Variants in AP2S1 observed in about 807,000 individuals in gnomAD.
AP2S1 encodes AP-2 complex subunit sigma.
AP2S1 carries 6 observed loss-of-function variants against 21.0 expected under a neutral mutation model. The ratio of observed to expected loss-of-function variants is 0.29; its 90% CI spans 0.16 to 0.56. The LOEUF (loss-of-function observed/expected upper bound fraction) is 0.56. Ranked by LOEUF, AP2S1 falls within the 20% of genes least tolerant of loss-of-function variation. The pLI is 0.92. For missense variants in AP2S1, 60 were observed against 186.2 expected (o/e 0.32, Z 3.95); for synonymous variants, 63 against 74.6 (o/e 0.84, Z 0.80).
Position 46,838,254 on chromosome 19 carries a change from A to C in AP2S1, c.*193T>G, listed in dbSNP as rs763068463. 5 of 603,386 alleles carry C rather than the reference A, an allele frequency of 8.3e-6. No homozygotes were observed. The highest frequency in any genetic ancestry group is 2.9e-5 in the Admixed American group (1 of 34,530). 37.4% of individuals were successfully genotyped at this position (603,386 alleles called of 1,614,324 possible). On this transcript the variant is annotated 3_prime_UTR_variant, in exon 5 of 5. Coordinates refer to ENST00000263270, the MANE Select transcript of AP2S1 (RefSeq NM_004069.6). This position sits in a 1 kb window ranked among gnomAD's most constrained non-coding sequence, Gnocchi z 4.1. ...AACGGCACGGTTACTCGGGACACAC[A>C]CGGTGGCCTCTGCCCACAGCCAGGG...
intron 2 of AP2S1, among the ~76,000 whole-genome samples, chr19:46,840,825 C>T (rs1250829127): frequency 6.8e-6 from 1 of 147,418 alleles, no homozygotes; most frequent in East Asian, 2.1e-4. Context: ...TCAAGCGATT[C>T]TCCTGCCTCA....
intron 1 of AP2S1, among the ~76,000 whole-genome samples, chr19:46,847,303 G>A (rs2055653831): frequency 6.7e-6 from 1 of 149,196 alleles, no homozygotes; most frequent in Non-Finnish European, 1.5e-5. Context: ...GCGCGATCCC[G>A]CCTCACTGCA....
chr19:46,842,882 C>G (rs569307485), intron 2 of AP2S1, among the ~76,000 whole-genome samples: 2 of 152,150 alleles, frequency 1.3e-5, no homozygotes, highest in Non-Finnish European at 2.9e-5. Flanking sequence ...GTGCTCTCCT[C>G]GGTCTATCCT....
chr19:46,842,772 G>GGAGA (rs1311025495), intron 2 of AP2S1, among the ~76,000 whole-genome samples: 1 of 152,024 alleles, frequency 6.6e-6, no homozygotes, highest in African/African-American at 2.4e-5. Flanking sequence ...ACCTCCTCCT[G>GGAGA]GAGAGGTAAG....
At chr19:46,850,687 C>G in intron 1 of AP2S1, 77 bp downstream of exon 1, 1 of 1,313,380 alleles carries the variant, frequency 7.6e-7, no homozygotes. Context: ...AGGGACTTGT[C>G]AGCGCCCGAT....
intron 2 of AP2S1, among the ~76,000 whole-genome samples, chr19:46,843,068 C>G (rs2055556029): frequency 6.6e-6 from 1 of 152,198 alleles, no homozygotes; most frequent in South Asian, 2.1e-4. Flanking sequence ...TGATCTTCAC[C>G]TCCGCCTGCC....
intron 2 of AP2S1, among the ~76,000 whole-genome samples, chr19:46,844,238 C>A (rs1290092222): frequency 1.3e-5 from 2 of 152,106 alleles, no homozygotes; most frequent in African/African-American, 4.8e-5. Context: ...CCATCTGACT[C>A]ATAGTAAGAG....
intron 2 of AP2S1, among the ~76,000 whole-genome samples, chr19:46,843,069 T>A (rs1599766687): frequency 6.6e-6 from 1 of 152,276 alleles, no homozygotes; most frequent in East Asian, 1.9e-4. Flanking sequence ...GATCTTCACC[T>A]CCGCCTGCCC....
intron 1 of AP2S1, among the ~76,000 whole-genome samples, chr19:46,849,715 C>T (rs933511371): frequency 3.3e-5 from 5 of 152,076 alleles, no homozygotes; most frequent in Non-Finnish European, 5.9e-5. Flanking sequence ...GTCTCCAATC[C>T]CCCTCCTCTG....
In AP2S1 at chr19:46,850,754, C is replaced by A; in HGVS notation, c.3+10G>T. 6.3e-7 allele frequency: 1 copy of A among 1,580,812 alleles called. No individual in the cohort carries two copies. The highest frequency in any genetic ancestry group is 8.6e-7 in the Non-Finnish European group (1 of 1,156,326). On this transcript the variant is annotated intron_variant, in intron 1 of 4. Coordinates refer to ENST00000263270, the MANE Select transcript of AP2S1 (RefSeq NM_004069.6). ...CTCCGCCAGTCCCCGGCGTAGCGCT[C>A]CCCCGTTACCATGGCGACCCCCGTC...
intron 2 of AP2S1, among the ~76,000 whole-genome samples, chr19:46,840,389 C>T (rs937806407): frequency 8.2e-6 from 1 of 122,286 alleles, no homozygotes; most frequent in African/African-American, 3.2e-5. Flanking sequence ...AAAAAAAAAT[C>T]CCAGCACTCC....
chr19:46,845,381 G>C (rs772813645), intron 2 of AP2S1, among the ~76,000 whole-genome samples: 1 of 151,838 alleles, frequency 6.6e-6, no homozygotes, highest in African/African-American at 2.4e-5. Context: ...ACTCCAGCCT[G>C]GGTGACAGAG....
At chr19:46,839,780 G>A in intron 2 of AP2S1, 1 of 832,746 alleles carries the variant, frequency 1.2e-6, no homozygotes, top group Non-Finnish European at 1.8e-6. Context: ...TCCCCAGAAT[G>A]GACAGGATGG....
In AP2S1 at chr19:46,846,549, C is replaced by T. The variant is rs113801689; in HGVS notation, c.4-407G>A. Among the ~76,000 whole-genome samples, 1,311 of 149,776 alleles carry T rather than the reference C, an allele frequency of 8.8e-3. 7 individuals are homozygous for T. The highest frequency in any genetic ancestry group is 0.021 in the Middle Eastern group (6 of 286). On this transcript the variant is annotated intron_variant, in intron 1 of 4. Coordinates refer to ENST00000263270, the MANE Select transcript of AP2S1 (RefSeq NM_004069.6). ...CCTCGGCCTCCCAAACTGCTGGGAT[C>T]ACAGGTGTGAGCCACTGTGCCCTGC...
intron 2 of AP2S1, 40 bp from the exon 3 acceptor site, chr19:46,839,618 G>A: frequency 6.2e-7 from 1 of 1,613,802 alleles, no homozygotes; most frequent in Non-Finnish European, 8.5e-7. Context: ...AGATTGCCAG[G>A]ACCTAACGTG....
At chr19:46,839,131 A>G (rs2055464597) in intron 3 of AP2S1, among the ~76,000 whole-genome samples, 1 of 151,904 alleles carries the variant, frequency 6.6e-6, no homozygotes, top group Non-Finnish European at 1.5e-5. Flanking sequence ...TACTAAAAAT[A>G]CAAAAATTAG....
rs756364119 is a variant in AP2S1 at position 46,839,596 on chromosome 19, T to C, written c.154-18A>G. 1.9e-6 allele frequency: 3 copies of C among 1,614,144 alleles called. No homozygotes were observed. The South Asian group carries it at 3.3e-5, about 18-fold the overall frequency. ...TTCCGGAACTGCAGAACAGAGAGGC[T>C]GTCAGCAACGGAGATTGCCAGGACC... On this transcript the variant is annotated intron_variant, in intron 2 of 4. Coordinates refer to ENST00000263270, the MANE Select transcript of AP2S1 (RefSeq NM_004069.6).
At chr19:46,844,369 C>A (rs2055582646) in intron 2 of AP2S1, among the ~76,000 whole-genome samples, 1 of 152,188 alleles carries the variant, frequency 6.6e-6, no homozygotes, top group South Asian at 2.1e-4. Context: ...TCTCCTGCCC[C>A]AGGGACTTTA....
intron 3 of AP2S1, 44 bp downstream of exon 3, chr19:46,839,421 G>T: frequency 6.3e-7 from 1 of 1,584,808 alleles, no homozygotes; most frequent in Non-Finnish European, 8.6e-7. Context: ...CCACTCCAGG[G>T]CTGCCCACCC....
Sources: gnomAD v4.1 joint callset for allele counts (sites outside exome capture counted in the v4.1 genomes callset) on GRCh38, gnomAD v4.1.1 for gene constraint, Gnocchi (gnomAD v3.1) non-coding constraint, MANE v1.5 for transcripts, NCBI Gene and HGNC (gene_info 2026-07-23, HGNC 2026-07-21) for gene names.